The following GRID1 variants were observed in gnomAD, a reference collection of about 807,000 sequenced individuals.
GRID1 encodes the protein glutamate ionotropic receptor delta type subunit 1.
GRID1 carries 28 observed loss-of-function variants against 98.0 expected under a neutral mutation model. The ratio of observed to expected loss-of-function variants is 0.29; its 90% CI spans 0.21 to 0.39. The LOEUF is 0.39. Ranked by LOEUF, GRID1 falls within the 10% of genes least tolerant of loss-of-function variation. The pLI is 1.00. For synonymous variants in GRID1, 553 were observed against 538.5 expected (o/e 1.03, Z -0.37); for missense variants, 1,111 against 1,340.5 (o/e 0.83, Z 2.67).
At chr10:85,694,581 T>TAG (rs1841371441) in intron 12 of GRID1, among the ~76,000 whole-genome samples, 1 of 89,492 alleles carries the variant, frequency 1.1e-5, no homozygotes, top group African/African-American at 6.0e-5. Context: ...TATATATATA[T>TAG]ATATATATAT....
In GRID1 at chr10:86,364,116, AAG is replaced by A. The variant is rs1294609866; in HGVS notation, c.80-22_80-21del. ...TGGCACCTGGAGGAGAGAAGGGATCAAGACCGGACCTGGACAAGAACCCTCTC... is the reference window on the plus strand; with the variant it reads ...TGGCACCTGGAGGAGAGAAGGGATCAACCGGACCTGGACAAGAACCCTCTC... On this transcript the variant is annotated intron_variant, in intron 1 of 15. Transcript: ENST00000327946. 3 of 1,610,370 alleles carry A rather than the reference AAG, an allele frequency of 1.9e-6. No homozygotes were observed. The African/African-American group carries it at 4.0e-5, about 22-fold the overall frequency.
chr10:86,084,338 GAGAGAGGA>G (rs1213415865), intron 4 of GRID1, among the ~76,000 whole-genome samples: 3 of 152,018 alleles, frequency 2.0e-5, no homozygotes, highest in East Asian at 1.9e-4. Flanking sequence ...GGAGGGGAGG[GAGAGAGGA>G]AGAGAGGAAG....
intron 14 of GRID1, among the ~76,000 whole-genome samples, chr10:85,616,260 T>A (rs1842787160): frequency 6.6e-6 from 1 of 152,248 alleles, no homozygotes; most frequent in Non-Finnish European, 1.5e-5. Context: ...TTATTATGTC[T>A]ATTTTACATC....
chr10:86,179,844 C>T (rs1019165601), intron 3 of GRID1, among the ~76,000 whole-genome samples: 2 of 152,222 alleles, frequency 1.3e-5, no homozygotes, highest in Admixed American at 6.5e-5. Context: ...TCCAGAGGGT[C>T]ATGAGGAAGC....
chr10:86,210,730 G>C (rs545703618), intron 2 of GRID1, among the ~76,000 whole-genome samples: 25 of 152,380 alleles, frequency 1.6e-4, no homozygotes, highest in Admixed American at 1.5e-3. Context: ...GGAGAGGCCC[G>C]ATGTGAGTCA....
At position 85,916,108 on chromosome 10, in the gene GRID1, G is replaced by T; in HGVS notation, c.780+78C>A. On this transcript the variant is annotated intron_variant, in intron 5 of 15. Transcript: ENST00000327946. The surrounding 1 kb of genome is among the most constrained non-coding windows in gnomAD (Gnocchi z 4.0). ...CAGCCCCCTAAGTCAGAATTGAACT[G>T]AAAAGAATCACACTGAGCTTTACAA... is the stretch of plus-strand genomic sequence containing the variant. The T allele has an allele frequency of 8.8e-7, 1 of 1,132,368 alleles. No individual in the cohort carries two copies. The highest frequency in any genetic ancestry group is 1.3e-6 in the Non-Finnish European group (1 of 751,014). The allele number at this position is 1,132,368 out of a possible 1,614,324, so 70.1% of individuals were successfully genotyped here.
At chr10:85,934,694 C>G (rs964921138) in intron 4 of GRID1, among the ~76,000 whole-genome samples, 2 of 152,044 alleles carry the variant, frequency 1.3e-5, no homozygotes, top group South Asian at 4.1e-4. Flanking sequence ...TCTTTTAGAG[C>G]AGAAAATGAA....
At chr10:85,619,481 ACTC>A (rs1166927731) in intron 14 of GRID1, among the ~76,000 whole-genome samples, 3 of 151,958 alleles carry the variant, frequency 2.0e-5, no homozygotes, top group South Asian at 2.1e-4. Context: ...TTTCTGGCTA[ACTC>A]CTCCTCATTC....
intron 3 of GRID1, among the ~76,000 whole-genome samples, chr10:86,163,069 C>T (rs1049023407): frequency 6.6e-6 from 1 of 152,150 alleles, no homozygotes; most frequent in Non-Finnish European, 1.5e-5. Flanking sequence ...AAACTGAGGG[C>T]CAGGATGCTG....
intron 12 of GRID1, among the ~76,000 whole-genome samples, chr10:85,713,776 GA>G (rs1474766644): frequency 6.6e-6 from 1 of 151,804 alleles, no homozygotes; most frequent in Non-Finnish European, 1.5e-5. Flanking sequence ...AAAAGATGTA[GA>G]AAAATCATTA....
At chr10:85,829,187 G>A (rs1842846120) in intron 8 of GRID1, among the ~76,000 whole-genome samples, 1 of 151,728 alleles carries the variant, frequency 6.6e-6, no homozygotes, top group Admixed American at 6.6e-5. Context: ...CACATAAACA[G>A]AACTAAAAAC....
intron 8 of GRID1, among the ~76,000 whole-genome samples, chr10:85,805,950 A>G (rs950026824): frequency 2.6e-5 from 4 of 151,896 alleles, no homozygotes; most frequent in Admixed American, 6.6e-5. Context: ...ACAAAAAGCC[A>G]TAAAAGAAAG....
chr10:86,108,962 C>A (rs1232925995), intron 4 of GRID1, among the ~76,000 whole-genome samples: 2 of 152,170 alleles, frequency 1.3e-5, no homozygotes, highest in Non-Finnish European at 1.5e-5. Flanking sequence ...CCCATGCCAT[C>A]CCTAGCGTGT....
chr10:86,070,480 A>G (rs543146884), intron 4 of GRID1, among the ~76,000 whole-genome samples: 1 of 152,312 alleles, frequency 6.6e-6, no homozygotes, highest in East Asian at 1.9e-4. Flanking sequence ...GGATGGGCAC[A>G]GGCACCAGAT....
chr10:86,002,281 C>T (rs558699896), intron 4 of GRID1, among the ~76,000 whole-genome samples: 8 of 152,318 alleles, frequency 5.3e-5, no homozygotes, highest in Non-Finnish European at 1.0e-4. Context: ...AGAATGCTGG[C>T]ATTCATTTGC....
rs1366569389 is a variant in GRID1 at position 86,195,130 on chromosome 10, C to G, written c.520+11234G>C. On this transcript the variant is annotated intron_variant, in intron 3 of 15. Transcript: ENST00000327946. This position sits in a 1 kb window ranked among gnomAD's most constrained non-coding sequence, Gnocchi z 4.4. ...TAGGCAGAGGCAAGTCCTATCCCTA[C>G]CCTTCCAGGAATGGTAAGTTCCAGC... Among the ~76,000 whole-genome samples the G allele has an allele frequency of 1.3e-5, 2 of 152,118 alleles. No homozygotes were observed. The highest frequency in any genetic ancestry group is 2.9e-5 in the Non-Finnish European group (2 of 67,980).
At chr10:85,765,625 T>G (rs377547241) in intron 8 of GRID1, among the ~76,000 whole-genome samples, 1 of 152,236 alleles carries the variant, frequency 6.6e-6, no homozygotes, top group Non-Finnish European at 1.5e-5. Flanking sequence ...ATAAGGTGTA[T>G]GTGAAACATA....
chr10:86,337,922 G>A (rs1262286665), intron 2 of GRID1, among the ~76,000 whole-genome samples: 1 of 151,984 alleles, frequency 6.6e-6, no homozygotes, highest in African/African-American at 2.4e-5. Context: ...TGGCCAGGCT[G>A]GTCTCAAACC....
intron 4 of GRID1, among the ~76,000 whole-genome samples, chr10:86,091,636 TG>T (rs1267008023): frequency 1.3e-5 from 2 of 152,006 alleles, no homozygotes; most frequent in African/African-American, 2.4e-5. Context: ...GTGCTACAGC[TG>T]ATGCTTTCCA....
Sources: allele counts gnomAD v4.1 joint callset (sites outside exome capture counted in the v4.1 genomes callset), GRCh38; gene constraint gnomAD v4.1.1; non-coding constraint Gnocchi (gnomAD v3.1); transcripts MANE v1.5; gene names NCBI Gene and HGNC (gene_info 2026-07-23, HGNC 2026-07-21).